The following FAAH2 variants were observed in gnomAD, a reference collection of about 807,000 sequenced individuals.
The protein encoded by FAAH2 is fatty acid amide hydrolase 2, also known as fatty-acid amide hydrolase 2.
A neutral mutation model predicts 36.9 loss-of-function variants in FAAH2; 60 were observed. The ratio of observed to expected loss-of-function variants is 1.63; its 90% CI spans 1.32 to 2.02. FAAH2 has a LOEUF of 2.02. Ranked by LOEUF, FAAH2 falls within the 30% of genes most tolerant of loss-of-function variation. The pLI is 0.00. For missense variants in FAAH2, 689 were observed against 397.5 expected, an observed-to-expected ratio of 1.73 and a Z score of -6.23; for synonymous variants, 214 against 143.8, an observed-to-expected ratio of 1.49 and a Z score of -3.49.
At chrX:57,161,418 T>G in the FAAH2 span, among the ~76,000 whole-genome samples, 1 of 110,999 alleles carries the variant, frequency 9.0e-6, no homozygotes, top group African/African-American at 3.3e-5. Flanking sequence ...ATATCCTTGT[T>G]AACTTTCTGT....
chrX:57,331,840 C>A, intron 4 of FAAH2, 33 bp downstream of exon 4: 1 of 1,112,489 alleles, frequency 9.0e-7, no homozygotes, highest in South Asian at 1.9e-5. Flanking sequence ...GCATGAATAG[C>A]TATGCTAACA....
At chrX:57,199,932 A>C in the FAAH2 span, among the ~76,000 whole-genome samples, 1 of 111,523 alleles carries the variant, frequency 9.0e-6, no homozygotes, top group Non-Finnish European at 1.9e-5. Context: ...GTTTTAATTA[A>C]TATCGAATAC....
At chrX:57,342,991 T>C (rs2053725240) in intron 5 of FAAH2, among the ~76,000 whole-genome samples, 2 of 112,135 alleles carry the variant, frequency 1.8e-5, no homozygotes, top group South Asian at 7.4e-4. Flanking sequence ...TTTCATGGTG[T>C]AAAGGTACTA....
intron 3 of FAAH2, among the ~76,000 whole-genome samples, chrX:57,328,520 A>G (rs986862471): frequency 2.7e-5 from 3 of 110,811 alleles, no homozygotes; most frequent in Non-Finnish European, 3.8e-5. Context: ...GATCTCAATG[A>G]TCTTTCTTTC....
At chrX:57,223,199 G>A in the FAAH2 span, among the ~76,000 whole-genome samples, 2 of 111,682 alleles carry the variant, frequency 1.8e-5, no homozygotes, top group African/African-American at 6.5e-5. Context: ...ATCATTTATT[G>A]CAGGGGCCAC....
Position 57,447,803 on chromosome X carries a change from G to A in FAAH2, c.1229-721G>A, listed in dbSNP as rs1387383342. Among the ~76,000 whole-genome samples, 6 of 111,750 alleles carry A rather than the reference G, an allele frequency of 5.4e-5. No individual in the cohort carries two copies. The South Asian group carries it at 1.1e-3, about 21-fold the overall frequency. Reference sequence around the variant, plus strand: ...AACCATTTTTTCCTCTTAGGCCTCTGAACCTGTGATGGAAGGGCTGCCACA... The same window carrying A: ...AACCATTTTTTCCTCTTAGGCCTCTAAACCTGTGATGGAAGGGCTGCCACA... On this transcript the variant is annotated intron_variant, in intron 9 of 10. Transcript: ENST00000374900.
At chrX:57,170,247 G>T in the FAAH2 span, among the ~76,000 whole-genome samples, 1 of 111,637 alleles carries the variant, frequency 9.0e-6, no homozygotes, top group East Asian at 2.8e-4. Flanking sequence ...GTTGTTACTG[G>T]CTTTTTTGCT....
At chrX:57,234,730 G>T in the FAAH2 span, among the ~76,000 whole-genome samples, 3 of 111,536 alleles carry the variant, frequency 2.7e-5, no homozygotes, top group Admixed American at 9.6e-5. Flanking sequence ...GAGGTAGTGT[G>T]AAGGATGGGG....
intron 7 of FAAH2, among the ~76,000 whole-genome samples, chrX:57,387,307 A>G (rs180845833): frequency 2.3e-4 from 26 of 111,733 alleles, no homozygotes; most frequent in Non-Finnish European, 1.1e-4. Context: ...GAAAAAAGAC[A>G]AATCAATAAT....
chrX:57,251,779 G>C, the FAAH2 span, among the ~76,000 whole-genome samples: 1 of 111,374 alleles, frequency 9.0e-6, no homozygotes, highest in African/African-American at 3.3e-5. Flanking sequence ...CAGTGAGATC[G>C]ACACAGAAGA....
chrX:57,157,813 A>AT, the FAAH2 span, among the ~76,000 whole-genome samples: 1 of 109,072 alleles, frequency 9.2e-6, no homozygotes, highest in South Asian at 3.9e-4. Flanking sequence ...TTTAATTTTT[A>AT]TTTTTTATTT....
At chrX:57,240,813 G>A in the FAAH2 span, among the ~76,000 whole-genome samples, 2 of 112,294 alleles carry the variant, frequency 1.8e-5, no homozygotes, top group African/African-American at 6.5e-5. Flanking sequence ...AAATGCCTCA[G>A]TTGGGCATCT....
At chrX:57,244,327 A>G in the FAAH2 span, among the ~76,000 whole-genome samples, 5 of 111,307 alleles carry the variant, frequency 4.5e-5, no homozygotes, top group African/African-American at 1.6e-4. Flanking sequence ...ACTCTTCAGG[A>G]TATTATCCAG....
chrX:57,380,934 C>T lies in FAAH2; in HGVS notation c.901C>T (p.His301Tyr), dbSNP rs775111468. The part of the protein sequence containing the change: ...IKRLKLDTKV[H>Y]LKDLKFYWME... Reference sequence around the variant, plus strand: ...CAGGTTAAAACTAGACACAAAGGTACATTTAAAAGACTTAAAATTTTACTG... The same window carrying T: ...CAGGTTAAAACTAGACACAAAGGTATATTTAAAAGACTTAAAATTTTACTG... Residue 301 changes from histidine (H) to tyrosine (Y), a missense_variant, in exon 7 of 11, where the codon CAT (histidine) becomes TAT (tyrosine). Physicochemically the swap from His to Tyr is moderately conservative, Grantham distance 83 (BLOSUM62 2). Transcript: ENST00000374900. 1 of 1,189,709 alleles carries T rather than the reference C, an allele frequency of 8.4e-7. No individual in the cohort carries two copies. The highest frequency in any genetic ancestry group is 1.9e-5 in the South Asian group (1 of 52,461).
intron 10 of FAAH2, among the ~76,000 whole-genome samples, chrX:57,453,734 G>A (rs1425857897): frequency 4.5e-5 from 5 of 111,802 alleles, no homozygotes; most frequent in Admixed American, 3.8e-4. Flanking sequence ...TTGAACCCCC[G>A]GAAAGCACCT....
chrX:57,472,968 T>C lies in FAAH2; in HGVS notation c.1424-15789T>C, dbSNP rs1003384463. ...AGGGGTCTGTCAAGTTTTTTTCTAA[T>C]GCTTTCAAAGAACTAAATTTTCTTT... On this transcript the variant is annotated intron_variant, in intron 10 of 10. Transcript: ENST00000374900. Among the ~76,000 whole-genome samples the C allele has an allele frequency of 9.0e-5, 10 of 111,375 alleles. No homozygotes were observed. The Admixed American group carries it at 9.6e-4, about 11-fold the overall frequency.
At chrX:57,394,835 C>T (rs2055254563) in intron 7 of FAAH2, 1 of 1,098,547 alleles carries the variant, frequency 9.1e-7, no homozygotes, top group African/African-American at 1.8e-5. Context: ...CTTGGAGTGG[C>T]AGGTGGTCAC....
the FAAH2 span, chrX:57,121,971 A>T: frequency 9.0e-6 from 1 of 111,651 alleles, no homozygotes; most frequent in Non-Finnish European, 1.9e-5. Flanking sequence ...CACTATGGTA[A>T]GTCTGCCATT....
At chrX:57,254,947 C>A in the FAAH2 span, among the ~76,000 whole-genome samples, 2 of 110,708 alleles carry the variant, frequency 1.8e-5, no homozygotes. Context: ...GAGATTGAGA[C>A]ACAAAAAAAC....
Sources: allele counts gnomAD v4.1 joint callset (sites outside exome capture counted in the v4.1 genomes callset), GRCh38; gene constraint gnomAD v4.1.1; transcripts MANE v1.5; gene names NCBI Gene and HGNC (gene_info 2026-07-23, HGNC 2026-07-21).